The following NECTIN2 variants were observed in gnomAD, a reference collection of about 807,000 sequenced individuals.
The protein encoded by NECTIN2 is nectin cell adhesion molecule 2.
NECTIN2 carries 23 observed loss-of-function variants against 56.9 expected under a neutral mutation model. That is an observed-to-expected ratio of 0.40 (90% CI 0.29 to 0.57). The LOEUF (loss-of-function observed/expected upper bound fraction) is 0.57. NECTIN2 is among the 20% of genes least tolerant of loss of function. NECTIN2 has a pLI of 0.38. For synonymous variants in NECTIN2, 302 were observed against 313.8 expected, an observed-to-expected ratio of 0.96 and a Z score of 0.40; for missense variants, 587 against 718.3, an observed-to-expected ratio of 0.82 and a Z score of 2.09.
At chr19:44,880,758 G>A (rs1969299158) in intron 5 of NECTIN2, among the ~76,000 whole-genome samples, 1 of 148,996 alleles carries the variant, frequency 6.7e-6, no homozygotes, top group Non-Finnish European at 1.5e-5. Context: ...GAGTCACTGT[G>A]CCTGGCCCCT....
chr19:44,864,664 C>T (rs1969075244), intron 1 of NECTIN2, among the ~76,000 whole-genome samples: 1 of 151,910 alleles, frequency 6.6e-6, no homozygotes, highest in African/African-American at 2.4e-5. Flanking sequence ...ACTAAAAATA[C>T]AAAAAAGAAA....
At chr19:44,862,001 C>T (rs1428750808) in intron 1 of NECTIN2, among the ~76,000 whole-genome samples, 1 of 152,092 alleles carries the variant, frequency 6.6e-6, no homozygotes, top group Non-Finnish European at 1.5e-5. Context: ...TGGTATATAC[C>T]CAAAAGAATA....
At chr19:44,859,412 C>G (rs1267033819) in intron 1 of NECTIN2, among the ~76,000 whole-genome samples, 1 of 152,170 alleles carries the variant, frequency 6.6e-6, no homozygotes, top group Non-Finnish European at 1.5e-5. Context: ...GTTAAGTGGC[C>G]TGCACAAGGT....
rs1969092508 is a variant in NECTIN2 at position 44,865,658 on chromosome 19, T to C, written c.476T>C (p.Ile159Thr). The change falls in exon 2 of 9, where the codon ATA becomes ACA. Residue 159 changes from isoleucine to threonine, a missense_variant and splice_region_variant. Physicochemically the swap from Ile to Thr is moderately conservative, Grantham distance 89 (BLOSUM62 -1). Coordinates refer to ENST00000252483, the MANE Select transcript of NECTIN2 (RefSeq NM_001042724.2). The surrounding 1 kb of genome is among the most constrained non-coding windows in gnomAD (Gnocchi z 5.2). Reference sequence around the variant, plus strand: ...CGAGGGATGACCTGGCTCAGAGTCATAGGTGAGCAGGGTAAGGGCGGGAGG... The same window carrying C: ...CGAGGGATGACCTGGCTCAGAGTCACAGGTGAGCAGGGTAAGGGCGGGAGG... ...SVRGMTWLRV[I>T]AKPKNQAEAQ... The C allele has an allele frequency of 6.6e-7, 1 of 1,523,864 alleles. No individual in the cohort carries two copies. Among genetic ancestry groups the C allele is most frequent in the Non-Finnish European group, 8.8e-7 (1 of 1,138,024 alleles). The allele number at this position is 1,523,864 out of a possible 1,614,324, so 94.4% of individuals were successfully genotyped here. A position where few individuals can be genotyped will look rare whatever the true frequency, so the allele number is the denominator to read the frequency against.
At chr19:44,862,452 G>T (rs1198942225) in intron 1 of NECTIN2, among the ~76,000 whole-genome samples, 2 of 139,642 alleles carry the variant, frequency 1.4e-5, no homozygotes, top group African/African-American at 5.3e-5. Flanking sequence ...ACCTGCACAT[G>T]TATCCTGGAA....
chr19:44,846,748 GC>G, intron 1 of NECTIN2, 135 bp downstream of exon 1: 1 of 1,044,518 alleles, frequency 9.6e-7, no homozygotes, highest in Non-Finnish European at 1.3e-6. Context: ...TTCCTGGCTG[GC>G]CCCACAGACT....
chr19:44,881,412 G>A (rs1419537418), intron 5 of NECTIN2, among the ~76,000 whole-genome samples: 1 of 151,840 alleles, frequency 6.6e-6, no homozygotes, highest in Non-Finnish European at 1.5e-5. Flanking sequence ...GGCAGGCCGA[G>A]CACGGCATAA....
At position 44,865,910 on chromosome 19, in the gene NECTIN2, C is replaced by T. The variant is rs1969095367; in HGVS notation, c.478+250C>T. On this transcript the variant is annotated intron_variant, in intron 2 of 8. Coordinates refer to ENST00000252483, the MANE Select transcript of NECTIN2 (RefSeq NM_001042724.2). This position sits in a 1 kb window ranked among gnomAD's most constrained non-coding sequence, Gnocchi z 5.2. ...AGTATTGGCTGGGCGCAGTGGCCCA[C>T]CCCTGTAATCCTAGCACTTTGGAAG... 6.6e-6 allele frequency among the ~76,000 whole-genome samples: 1 copy of T among 152,182 alleles called. No homozygotes were observed. Among genetic ancestry groups the T allele is most frequent in the Admixed American group, 6.5e-5 (1 of 15,278 alleles).
At chr19:44,859,794 C>T (rs1257891550) in intron 1 of NECTIN2, among the ~76,000 whole-genome samples, 2 of 149,846 alleles carry the variant, frequency 1.3e-5, no homozygotes, top group African/African-American at 4.9e-5. Flanking sequence ...CACTGCACTC[C>T]AACCTGGGTG....
intron 1 of NECTIN2, among the ~76,000 whole-genome samples, chr19:44,864,018 C>T (rs1030247405): frequency 2.6e-5 from 4 of 151,418 alleles, no homozygotes; most frequent in Non-Finnish European, 4.4e-5. Flanking sequence ...GGATTCCCCC[C>T]CCCCAAAAAA....
chr19:44,854,023 G>C (rs1968933582), intron 1 of NECTIN2, among the ~76,000 whole-genome samples: 1 of 152,118 alleles, frequency 6.6e-6, no homozygotes, highest in Non-Finnish European at 1.5e-5. Context: ...CAGTCAACCA[G>C]GGAGGGGAGA....
chr19:44,877,145 C>T (rs1262880325), intron 5 of NECTIN2, among the ~76,000 whole-genome samples: 2 of 152,104 alleles, frequency 1.3e-5, no homozygotes, highest in African/African-American at 2.4e-5. Context: ...TTTGACAGCC[C>T]GCTGGGTCAT....
At chr19:44,879,515 CTG>C (rs1229762043) in intron 5 of NECTIN2, among the ~76,000 whole-genome samples, 1 of 152,072 alleles carries the variant, frequency 6.6e-6, no homozygotes, top group African/African-American at 2.4e-5. Flanking sequence ...GCCACCCCGA[CTG>C]TGGCTCCCCT....
intron 2 of NECTIN2, among the ~76,000 whole-genome samples, chr19:44,870,659 C>A (rs1260735033): frequency 6.6e-6 from 1 of 151,806 alleles, no homozygotes; most frequent in Non-Finnish European, 1.5e-5. Context: ...GAACAGGGGG[C>A]CTTTCCAGCT....
intron 1 of NECTIN2, among the ~76,000 whole-genome samples, chr19:44,861,680 G>A (rs1376933516): frequency 6.6e-6 from 1 of 152,106 alleles, no homozygotes; most frequent in Non-Finnish European, 1.5e-5. Flanking sequence ...ACCTAAAAAA[G>A]TGGGCAAAGG....
At chr19:44,847,336 A>G (rs978199693) in intron 1 of NECTIN2, among the ~76,000 whole-genome samples, 5 of 152,136 alleles carry the variant, frequency 3.3e-5, no homozygotes, top group Non-Finnish European at 7.4e-5. Context: ...ACTGGGATCT[A>G]GGTAAAACTG....
At chr19:44,862,187 G>A (rs1008700580) in intron 1 of NECTIN2, among the ~76,000 whole-genome samples, 1 of 152,028 alleles carries the variant, frequency 6.6e-6, no homozygotes, top group Non-Finnish European at 1.5e-5. Context: ...AGGCCGAGGC[G>A]GCGGATCACG....
intron 1 of NECTIN2, among the ~76,000 whole-genome samples, chr19:44,855,093 G>A (rs1157906516): frequency 3.4e-4 from 47 of 137,064 alleles, no homozygotes; most frequent in African/African-American, 1.3e-3. Context: ...ACTCCAGCCT[G>A]GGTGACAGAG....
intron 1 of NECTIN2, among the ~76,000 whole-genome samples, chr19:44,864,016 C>CT (rs937180875): frequency 6.6e-6 from 1 of 151,344 alleles, no homozygotes; most frequent in African/African-American, 2.4e-5. Context: ...GAGGATTCCC[C>CT]CCCCCCAAAA....
Sources: allele counts gnomAD v4.1 joint callset (sites outside exome capture counted in the v4.1 genomes callset), GRCh38; gene constraint gnomAD v4.1.1; non-coding constraint Gnocchi (gnomAD v3.1); transcripts MANE v1.5; gene names NCBI Gene and HGNC (gene_info 2026-07-23, HGNC 2026-07-21).